Variants in HEPHL1 observed in about 807,000 individuals in gnomAD.
HEPHL1 encodes the protein hephaestin like 1.
Under a neutral mutation model 122.0 loss-of-function variants are expected in HEPHL1, and 123 were observed. That is an observed-to-expected ratio of 1.01 (90% confidence interval 0.87 to 1.17). The LOEUF is 1.17. Ranked by LOEUF, HEPHL1 falls within the 50% of genes most tolerant of loss-of-function variation. HEPHL1 has a pLI of 0.00. For synonymous variants in HEPHL1, 527 were observed against 508.9 expected, an observed-to-expected ratio of 1.04 and a Z score of -0.48; for missense variants, 1,452 against 1,430.5, an observed-to-expected ratio of 1.01 and a Z score of -0.24.
At chr11:94,081,961 A>C (rs1946173807) in intron 9 of HEPHL1, among the ~76,000 whole-genome samples, 1 of 152,176 alleles carries the variant, frequency 6.6e-6, no homozygotes, top group Admixed American at 6.6e-5. Flanking sequence ...GAGTTCTTCA[A>C]TTCATGTTCC....
rs762908910 is a variant in HEPHL1 at position 94,106,085 on chromosome 11, G to A, written c.3000G>A (p.Val1000=). ...ATTTGTTAGGGATAGGAAGTGAAGT[G>A]GACATACATACCATCCATTATCATG... The part of the protein sequence containing the change: ...NWYLLGIGSE[V]DIHTIHYHAE... Residue 1000 remains valine, a synonymous_variant, in exon 17 of 20, where the codon GTG becomes GTA. Transcript: ENST00000315765. 10 of 1,596,562 alleles carry A rather than the reference G, an allele frequency of 6.3e-6. No homozygotes were observed. Among genetic ancestry groups the A allele is most frequent in the Admixed American group, 1.7e-5 (1 of 59,818 alleles).
intron 2 of HEPHL1, among the ~76,000 whole-genome samples, chr11:94,049,618 T>TTAA (rs10651739): frequency 7.2e-6 from 1 of 138,330 alleles, no homozygotes; most frequent in African/African-American, 2.7e-5. Context: ...TAGGATGTAG[T>TTAA]AAAAAAAAAA....
In HEPHL1 at chr11:94,078,446, C is replaced by CATATATATATATATATAT. The variant is rs6144452; in HGVS notation, c.1716+3074_1716+3091dup. Among the ~76,000 whole-genome samples the CATATATATATATATATAT allele has an allele frequency of 1.3e-3, 141 of 111,482 alleles. 1 individual carries two copies. Among genetic ancestry groups the CATATATATATATATATAT allele is most frequent in the Middle Eastern group, 4.6e-3 (1 of 218 alleles). The allele number at this position is 111,482 out of a possible 152,430, so 73.1% of individuals were successfully genotyped here. ...GACACCAGCCACTACTCAGATGTTCCATATATATATATATATATATATATA... is the reference window on the plus strand; with the variant it reads ...GACACCAGCCACTACTCAGATGTTCCATATATATATATATATATATATATATATATATATATATATATA... On this transcript the variant is annotated intron_variant, in intron 9 of 19. Coordinates refer to ENST00000315765, the MANE Select transcript of HEPHL1 (RefSeq NM_001098672.2).
chr11:94,043,706 A>G (rs1205692102), intron 1 of HEPHL1, among the ~76,000 whole-genome samples: 2 of 149,792 alleles, frequency 1.3e-5, no homozygotes, highest in Non-Finnish European at 3.0e-5. Context: ...AACTTTTTCT[A>G]TTTTTTTTTT....
At chr11:94,071,311 T>C (rs1946071828) in intron 6 of HEPHL1, among the ~76,000 whole-genome samples, 1 of 144,760 alleles carries the variant, frequency 6.9e-6, no homozygotes, top group Non-Finnish European at 1.5e-5. Flanking sequence ...TAAAACATCA[T>C]TTGTTTCTTT....
rs1158864306 is a variant in HEPHL1, at chr11:94,093,327, A to G, written c.2295-174A>G. ...CAGAACTGAAGGAGCTTTAAAGTGC[A>G]GATGCCTGGCCTCACTCCCAGAAAG... On this transcript the variant is annotated intron_variant, in intron 12 of 19. Transcript: ENST00000315765. Among the ~76,000 whole-genome samples, 8 of 152,214 alleles carry G rather than the reference A, an allele frequency of 5.3e-5. No individual in the cohort carries two copies. The East Asian group carries it at 1.6e-3, about 29-fold the overall frequency.
At chr11:94,109,246 A>G (rs909104952) in intron 17 of HEPHL1, among the ~76,000 whole-genome samples, 3 of 152,140 alleles carry the variant, frequency 2.0e-5, no homozygotes, top group Admixed American at 6.5e-5. Flanking sequence ...TTTAGTTCCA[A>G]TAGTTTTCCT....
At chr11:94,060,260 C>T (rs1945976246) in intron 2 of HEPHL1, among the ~76,000 whole-genome samples, 1 of 150,808 alleles carries the variant, frequency 6.6e-6, no homozygotes, top group South Asian at 2.1e-4. Flanking sequence ...GTGAAGCAAT[C>T]ATACATACAC....
chr11:94,025,861 T>C (rs1182402014), intron 1 of HEPHL1, among the ~76,000 whole-genome samples: 3 of 152,176 alleles, frequency 2.0e-5, no homozygotes. Flanking sequence ...ACTTCTGTCT[T>C]ATCAGCACCA....
intron 13 of HEPHL1, among the ~76,000 whole-genome samples, chr11:94,099,439 C>A (rs1024183838): frequency 6.6e-6 from 1 of 152,312 alleles, no homozygotes. Context: ...GGGTGACTCC[C>A]AGTTAGGCTA....
intron 12 of HEPHL1, among the ~76,000 whole-genome samples, chr11:94,090,871 G>T (rs1010687688): frequency 6.6e-6 from 1 of 152,098 alleles, no homozygotes; most frequent in Non-Finnish European, 1.5e-5. Flanking sequence ...CCCCACCTTG[G>T]GACCTAGAAG....
chr11:94,099,654 G>C (rs561759705), intron 13 of HEPHL1, among the ~76,000 whole-genome samples: 1 of 152,244 alleles, frequency 6.6e-6, no homozygotes, highest in South Asian at 2.1e-4. Context: ...GCTGCGGTGG[G>C]CTCCACCCAG....
In HEPHL1 at chr11:94,096,985, A is replaced by AT. The variant is rs574164735; in HGVS notation, c.2434+3351dup. 3.3e-3 allele frequency among the ~76,000 whole-genome samples: 508 copies of AT among 152,060 alleles called. 1 individual carries two copies. The highest frequency in any genetic ancestry group is 0.012 in the African/African-American group (481 of 41,442). On this transcript the variant is annotated intron_variant, in intron 13 of 19. Transcript: ENST00000315765. ...AAAAAACCAGCTCCTGGATTCATTGATTTTTTGAAGGGTTTTTTGTGTCTC... is the reference window on the plus strand; with the variant it reads ...AAAAAACCAGCTCCTGGATTCATTGATTTTTTTGAAGGGTTTTTTGTGTCTC...
At chr11:94,103,295 AAG>A (rs1946383963) in intron 15 of HEPHL1, among the ~76,000 whole-genome samples, 1 of 151,404 alleles carries the variant, frequency 6.6e-6, no homozygotes, top group African/African-American at 2.4e-5. Flanking sequence ...AAAAAAAAAA[AAG>A]TTTGGTGACC....
At chr11:94,077,177 C>T (rs1030646098) in intron 9 of HEPHL1, among the ~76,000 whole-genome samples, 2 of 152,122 alleles carry the variant, frequency 1.3e-5, no homozygotes, top group African/African-American at 2.4e-5. Context: ...CCCTCTCTGA[C>T]ATAAACAAAG....
intron 4 of HEPHL1, among the ~76,000 whole-genome samples, 161 bp from the exon 5 acceptor site, chr11:94,067,335 G>A (rs1289463271): frequency 6.6e-6 from 1 of 151,982 alleles, no homozygotes; most frequent in African/African-American, 2.4e-5. Context: ...TTCTCTTTTG[G>A]ACAATATATA....
chr11:94,104,484 A>G, intron 15 of HEPHL1, 44 bp from the exon 16 acceptor site: 1 of 1,340,464 alleles, frequency 7.5e-7, no homozygotes, highest in Non-Finnish European at 1.1e-6. Context: ...AATATTATTA[A>G]ATTACTTAAT....
intron 3 of HEPHL1, 137 bp from the exon 4 acceptor site, chr11:94,064,194 T>C: frequency 3.4e-6 from 2 of 593,500 alleles, no homozygotes; most frequent in Non-Finnish European, 5.8e-6. Flanking sequence ...TAAAGCCTTT[T>C]GCTGATTTTA....
At chr11:94,106,494 A>G (rs938335594) in intron 17 of HEPHL1, among the ~76,000 whole-genome samples, 1 of 151,736 alleles carries the variant, frequency 6.6e-6, no homozygotes, top group African/African-American at 2.4e-5. Context: ...ACGGGGTTTC[A>G]CCATGTTAGC....
Sources: allele counts gnomAD v4.1 joint callset (sites outside exome capture counted in the v4.1 genomes callset), GRCh38; gene constraint gnomAD v4.1.1; transcripts MANE v1.5; gene names NCBI Gene and HGNC (gene_info 2026-07-23, HGNC 2026-07-21).